BPIFC: variants seen among roughly 807,000 people sequenced by gnomAD.
The protein encoded by BPIFC is BPI fold containing family C, also known as BPI fold-containing family C protein.
Under a neutral mutation model 57.6 loss-of-function variants are expected in BPIFC, and 60 were observed. The observed-to-expected ratio is 1.04, with a 90% CI of 0.85 to 1.29. The LOEUF (loss-of-function observed/expected upper bound fraction) is 1.29, where lower values mean the gene tolerates loss of function less well. Ranked by LOEUF, BPIFC falls within the 50% of genes most tolerant of loss-of-function variation. The probability of loss-of-function intolerance (pLI) is 0.00; values close to 1 mark genes in which losing one functional copy is unlikely to be tolerated. For missense variants in BPIFC, 581 were observed against 600.5 expected (o/e 0.97, Z 0.34); for synonymous variants, 243 against 224.5 (o/e 1.08, Z -0.74).
At chr22:32,446,369 T>C (rs1934730306) in intron 5 of BPIFC, among the ~76,000 whole-genome samples, 1 of 152,226 alleles carries the variant, frequency 6.6e-6, no homozygotes. Flanking sequence ...GAAAAAGTGA[T>C]GCTTAGATGT....
intron 2 of BPIFC, among the ~76,000 whole-genome samples, chr22:32,458,491 T>A (rs905071035): frequency 6.6e-6 from 1 of 152,224 alleles, no homozygotes. Context: ...CATCATCTAG[T>A]GTAGTATCCA....
At chr22:32,415,326 C>T (rs1034373647) in intron 16 of BPIFC, among the ~76,000 whole-genome samples, 2 of 152,158 alleles carry the variant, frequency 1.3e-5, no homozygotes, top group African/African-American at 2.4e-5. Context: ...GACCCCTGGA[C>T]TGTACAGGAT....
At position 32,433,260 on chromosome 22, in the gene BPIFC, G is replaced by A. The variant is rs549044404; in HGVS notation, c.978+459C>T. 7.8e-4 allele frequency among the ~76,000 whole-genome samples: 119 copies of A among 152,282 alleles called. 2 individuals are homozygous for A. Among genetic ancestry groups the A allele is most frequent in the African/African-American group, 2.7e-3 (112 of 41,564 alleles). The stretch of plus-strand genomic sequence containing the variant: ...TATCTGACTCAAGATCCTTGCTCTA[G>A]AACCAGGATGCTACATGAACATCTC... On this transcript the variant is annotated intron_variant, in intron 11 of 16. Coordinates refer to ENST00000300399, the MANE Select transcript of BPIFC (RefSeq NM_174932.3).
chr22:32,425,725 G>A (rs930001148), intron 13 of BPIFC, among the ~76,000 whole-genome samples: 5 of 152,260 alleles, frequency 3.3e-5, no homozygotes, highest in African/African-American at 9.6e-5. Context: ...TCCAGGGCCT[G>A]GAACAGTGCA....
chr22:32,431,618 A>G (rs1174704449), intron 12 of BPIFC, among the ~76,000 whole-genome samples: 5 of 151,976 alleles, frequency 3.3e-5, no homozygotes, highest in South Asian at 2.1e-4. Context: ...TTTTTGTTTG[A>G]TGATCTCCTT....
chr22:32,433,737 A>C lies in BPIFC; in HGVS notation c.960T>G (p.Leu320=). 2 of 1,613,768 alleles carry C rather than the reference A, an allele frequency of 1.2e-6. No homozygotes were observed. Among genetic ancestry groups the C allele is most frequent in the Non-Finnish European group, 1.7e-6 (2 of 1,179,726 alleles). Residue 320 remains leucine, a synonymous_variant, in exon 11 of 17, where the codon CTT becomes CTG. Coordinates refer to ENST00000300399, the MANE Select transcript of BPIFC (RefSeq NM_174932.3). ...CACTTACCCGGGAGAGCACGTTGCC[A>C]AGGCCTTGAGAGTTTTGAACAAAAT... The part of the protein sequence containing the change: ...SNHFVQNSQG[L]GNVLSRIAEI...
rs1356726330 is a variant in BPIFC at position 32,442,739 on chromosome 22, C to A, written c.595-8G>T. ...TGCAATAATGGGACAGAGCTGGCCA[C>A]AAAGGAATAAAAAGAAAAAAGCAAG... On this transcript the variant is annotated splice_polypyrimidine_tract_variant and splice_region_variant and intron_variant, in intron 7 of 16. Transcript: ENST00000300399. 1.9e-6 allele frequency: 3 copies of A among 1,613,030 alleles called. No individual in the cohort carries two copies. Among genetic ancestry groups the A allele is most frequent in the South Asian group, 1.1e-5 (1 of 90,830 alleles).
chr22:32,429,509 GTTTTTTTTTTTT>G (rs780948561), intron 13 of BPIFC, among the ~76,000 whole-genome samples: 29 of 56,646 alleles, frequency 5.1e-4, no homozygotes, highest in African/African-American at 1.9e-3. Context: ...ACTGGCCTTT[GTTTTTTTTTTTT>G]TTTTTTTTTT....
intron 15 of BPIFC, among the ~76,000 whole-genome samples, chr22:32,416,551 T>A (rs904824673): frequency 1.3e-5 from 2 of 152,246 alleles, no homozygotes; most frequent in African/African-American, 4.8e-5. Context: ...CTGTCCATTT[T>A]TAGCCTACCC....
chr22:32,414,391 T>G lies in BPIFC; in HGVS notation c.1436A>C (p.Glu479Ala), dbSNP rs35856742. ...FLLISTDLKY[E>A]TSSKQQPSFH... ...ACTTGGCTGCTGCTTTGAGGATGTT[T>G]CATACTTCAGGTCGGTGGAAATCAA... The change falls in exon 17 of 17, where the codon GAA becomes GCA. Residue 479 changes from glutamate (E) to alanine (A), a missense_variant. Glu to Ala is a moderately radical substitution (Grantham distance 107). Coordinates refer to ENST00000300399, the MANE Select transcript of BPIFC (RefSeq NM_174932.3). 0.049 allele frequency: 78,561 copies of G among 1,613,894 alleles called. 2,345 individuals carry two copies. Among genetic ancestry groups the G allele is most frequent in the African/African-American group, 0.12 (8,714 of 75,004 alleles).
At chr22:32,424,670 T>C (rs1242033823) in intron 13 of BPIFC, among the ~76,000 whole-genome samples, 32 of 69,134 alleles carry the variant, frequency 4.6e-4, no homozygotes, top group East Asian at 2.3e-3. Context: ...TTCTTCTTCT[T>C]CTTCTTCTTC....
At chr22:32,459,535 C>T (rs1001845189) in intron 2 of BPIFC, among the ~76,000 whole-genome samples, 5 of 152,050 alleles carry the variant, frequency 3.3e-5, no homozygotes, top group African/African-American at 7.2e-5. Flanking sequence ...TGGTGGCGGG[C>T]GCTTGTAGTC....
At chr22:32,423,443 C>A (rs924589290) in intron 13 of BPIFC, among the ~76,000 whole-genome samples, 7 of 152,108 alleles carry the variant, frequency 4.6e-5, no homozygotes, top group Non-Finnish European at 1.0e-4. Context: ...CTGAGCTCCA[C>A]TGACTTGTCC....
intron 5 of BPIFC, chr22:32,446,918 C>T (rs1934745476): frequency 3.3e-6 from 2 of 611,042 alleles, no homozygotes; most frequent in South Asian, 7.2e-5. Context: ...TGTGGGTGAT[C>T]GAAAATGTTG....
chr22:32,433,604 C>T, intron 11 of BPIFC, 115 bp downstream of exon 11: 1 of 869,658 alleles, frequency 1.1e-6, no homozygotes. Context: ...GAAAAAACTC[C>T]CAATAATAGA....
chr22:32,416,314 C>G (rs1933676017), intron 15 of BPIFC, among the ~76,000 whole-genome samples: 1 of 152,106 alleles, frequency 6.6e-6, no homozygotes, highest in Non-Finnish European at 1.5e-5. Flanking sequence ...AACTCCTGAC[C>G]TCAGGTGATT....
chr22:32,422,441 T>A (rs1933874295), intron 13 of BPIFC, among the ~76,000 whole-genome samples: 1 of 152,136 alleles, frequency 6.6e-6, no homozygotes, highest in Non-Finnish European at 1.5e-5. Flanking sequence ...GCGCGGTGGC[T>A]CACACCTGTA....
intron 14 of BPIFC, 99 bp downstream of exon 14, chr22:32,419,263 G>A: frequency 7.9e-7 from 1 of 1,272,884 alleles, no homozygotes; most frequent in Non-Finnish European, 1.1e-6. Flanking sequence ...GAGGAATCAA[G>A]GACTCCAAGT....
At position 32,461,568 on chromosome 22, in the gene BPIFC, A is replaced by C; in HGVS notation, c.-1+6T>G. The C allele has an allele frequency of 1.0e-6, 1 of 985,186 alleles. No homozygotes were observed. The highest frequency in any genetic ancestry group is 1.2e-6 in the Non-Finnish European group (1 of 829,700). The allele number at this position is 985,186 out of a possible 1,614,324, so 61.0% of individuals were successfully genotyped here. On this transcript the variant is annotated splice_donor_region_variant and intron_variant, in intron 2 of 16. Coordinates refer to ENST00000300399, the MANE Select transcript of BPIFC (RefSeq NM_174932.3). ...GCATCTTAACACTCTGAATGGATGC[A>C]TGTACCTCCTGCAGGAGCTAGATCC... is the stretch of plus-strand genomic sequence containing the variant.
Sources: gnomAD v4.1 joint callset for allele counts (sites outside exome capture counted in the v4.1 genomes callset) on GRCh38, gnomAD v4.1.1 for gene constraint, MANE v1.5 for transcripts, NCBI Gene and HGNC (gene_info 2026-07-23, HGNC 2026-07-21) for gene names.